Variants in ETFA observed in about 807,000 individuals in gnomAD.
ETFA encodes the protein electron transfer flavoprotein subunit alpha, mitochondrial.
ETFA carries 22 observed loss-of-function variants against 46.2 expected under a neutral mutation model. The observed-to-expected ratio is 0.48, with a 90% CI of 0.34 to 0.68. The LOEUF (loss-of-function observed/expected upper bound fraction) is 0.68, where lower values mean the gene tolerates loss of function less well. Ranked by LOEUF, ETFA falls within the 30% of genes least tolerant of loss-of-function variation. The pLI, the probability that ETFA is intolerant of heterozygous loss-of-function variation, is 0.01. For synonymous variants in ETFA, 131 were observed against 139.9 expected (o/e 0.94, Z 0.45); for missense variants, 345 against 401.1 (o/e 0.86, Z 1.19).
chr15:76,236,104 C>A (rs1168197387), intron 9 of ETFA, among the ~76,000 whole-genome samples: 1 of 152,116 alleles, frequency 6.6e-6, no homozygotes, highest in Admixed American at 6.5e-5. Context: ...TAACATCACT[C>A]CTGCTTTACC....
chr15:76,303,851 T>C (rs2039907440), intron 1 of ETFA, among the ~76,000 whole-genome samples: 1 of 152,232 alleles, frequency 6.6e-6, no homozygotes, highest in African/African-American at 2.4e-5. Flanking sequence ...CTGGTGAGGA[T>C]GTAAATTAGT....
intron 4 of ETFA, among the ~76,000 whole-genome samples, chr15:76,291,510 G>C (rs542639085): frequency 2.1e-4 from 31 of 150,510 alleles, no homozygotes; most frequent in African/African-American, 7.1e-4. Flanking sequence ...CAGTACTTTG[G>C]GGGGCCGAGG....
At chr15:76,259,972 T>C (rs899004284) in intron 9 of ETFA, 6 of 1,435,324 alleles carry the variant, frequency 4.2e-6, no homozygotes, top group Non-Finnish European at 5.9e-6. Context: ...TTTGGCCACA[T>C]GTGGATGGTC....
intron 9 of ETFA, among the ~76,000 whole-genome samples, chr15:76,243,225 G>A (rs1054927009): frequency 2.0e-5 from 3 of 151,540 alleles, no homozygotes; most frequent in African/African-American, 7.3e-5. Flanking sequence ...AACCCGAGAT[G>A]GCACCACTGC....
chr15:76,277,660 G>A (rs1406360712), intron 8 of ETFA, among the ~76,000 whole-genome samples: 2 of 152,100 alleles, frequency 1.3e-5, no homozygotes, highest in Non-Finnish European at 1.5e-5. Context: ...GTGCTGCCAC[G>A]CCCAACTAAT....
intron 9 of ETFA, among the ~76,000 whole-genome samples, chr15:76,232,762 AG>A (rs1346741964): frequency 6.6e-6 from 1 of 152,216 alleles, no homozygotes; most frequent in Non-Finnish European, 1.5e-5. Context: ...TGTAAACAGA[AG>A]AGGTACACCT....
intron 9 of ETFA, among the ~76,000 whole-genome samples, chr15:76,271,073 G>C (rs530647670): frequency 6.7e-6 from 1 of 149,478 alleles, no homozygotes; most frequent in East Asian, 2.0e-4. Flanking sequence ...AGGAGGCTGA[G>C]ACATGAGAAT....
At chr15:76,291,411 C>T (rs1378045787) in intron 4 of ETFA, among the ~76,000 whole-genome samples, 2 of 145,454 alleles carry the variant, frequency 1.4e-5, no homozygotes, top group Admixed American at 7.0e-5. Context: ...TGCTGCTGCA[C>T]TCCAGCCTGG....
At position 76,215,976 on chromosome 15, in the gene ETFA, TGGG is replaced by T. The variant is rs1350566712; in HGVS notation, c.*580_*582del. On this transcript the variant is annotated 3_prime_UTR_variant, in exon 12 of 12. Coordinates refer to ENST00000557943, the MANE Select transcript of ETFA (RefSeq NM_000126.4). ...CTTAAGCCAACTAAATACATGGAGC[TGGG>T]TCAGGTTTAAGTCAGGTCTGCTTTT... 1 of 152,294 alleles carries T rather than the reference TGGG, an allele frequency of 6.6e-6. No homozygotes were observed. Among genetic ancestry groups the T allele is most frequent in the East Asian group, 1.9e-4 (1 of 5,206 alleles). 9.4% of individuals were successfully genotyped at this position (152,294 alleles called of 1,614,324 possible).
At chr15:76,228,674 T>G (rs1420689049) in intron 10 of ETFA, 2 of 153,072 alleles carry the variant, frequency 1.3e-5, no homozygotes, top group Admixed American at 6.5e-5. Context: ...TCTCAATAGC[T>G]CCTCACAAGC....
chr15:76,297,104 G>C (rs575699328), intron 1 of ETFA, among the ~76,000 whole-genome samples: 2 of 152,228 alleles, frequency 1.3e-5, no homozygotes, highest in African/African-American at 4.8e-5. Context: ...TCTGGAGCTG[G>C]AGTGAAGAAA....
At chr15:76,234,383 T>G (rs1053797321) in intron 9 of ETFA, among the ~76,000 whole-genome samples, 3 of 152,100 alleles carry the variant, frequency 2.0e-5, no homozygotes, top group African/African-American at 7.2e-5. Context: ...TAATAATAAT[T>G]AGTATACACA....
At chr15:76,252,992 C>G (rs1234325505) in intron 9 of ETFA, among the ~76,000 whole-genome samples, 1 of 150,026 alleles carries the variant, frequency 6.7e-6, no homozygotes, top group Non-Finnish European at 1.5e-5. Context: ...TAGTGTACTA[C>G]AGTCTCTAAC....
At chr15:76,225,744 C>T in intron 11 of ETFA, 105 bp downstream of exon 11, 2 of 822,584 alleles carry the variant, frequency 2.4e-6, no homozygotes, top group Non-Finnish European at 4.3e-6. Context: ...AACACAGACA[C>T]ACAAACACAC....
At chr15:76,276,403 A>G (rs1299681074) in intron 8 of ETFA, among the ~76,000 whole-genome samples, 1 of 151,972 alleles carries the variant, frequency 6.6e-6, no homozygotes, top group African/African-American at 2.4e-5. Context: ...TAGTTTGCAA[A>G]TGATAGGCCT....
chr15:76,280,086 ACTCC>A (rs1224785378), intron 8 of ETFA, among the ~76,000 whole-genome samples: 5 of 149,826 alleles, frequency 3.3e-5, no homozygotes, highest in African/African-American at 1.2e-4. Flanking sequence ...TTTTATCTAC[ACTCC>A]CTCCCTTGGT....
In ETFA at chr15:76,216,458, A is replaced by G; in HGVS notation, c.*101T>C. 8.2e-6 allele frequency: 6 copies of G among 734,964 alleles called. No homozygotes were observed. The highest frequency in any genetic ancestry group is 3.5e-5 in the African/African-American group (2 of 57,304). 45.5% of individuals were successfully genotyped at this position (734,964 alleles called of 1,614,324 possible). ...AATTTTCCCTCAAATTATGAAATGT[A>G]GCTCTCCATGCTTTCCAATGATTGT... On this transcript the variant is annotated 3_prime_UTR_variant, in exon 12 of 12. Coordinates refer to ENST00000557943, the MANE Select transcript of ETFA (RefSeq NM_000126.4).
intron 10 of ETFA, among the ~76,000 whole-genome samples, chr15:76,226,557 A>G (rs1343709202): frequency 2.7e-5 from 4 of 147,974 alleles, no homozygotes; most frequent in Admixed American, 1.3e-4. Flanking sequence ...GCACTCCAGC[A>G]GTGAGACTCT....
chr15:76,266,531 G>GC (rs1297554298), intron 9 of ETFA, among the ~76,000 whole-genome samples: 2 of 152,176 alleles, frequency 1.3e-5, no homozygotes, highest in African/African-American at 2.4e-5. Context: ...GTTAATTATA[G>GC]CCCCCGATAA....
Sources: allele counts gnomAD v4.1 joint callset (sites outside exome capture counted in the v4.1 genomes callset), GRCh38; gene constraint gnomAD v4.1.1; transcripts MANE v1.5; gene names NCBI Gene and HGNC (gene_info 2026-07-23, HGNC 2026-07-21).